NATD1: variants seen among roughly 807,000 people sequenced by gnomAD.
The protein encoded by NATD1 is N-acetyltransferase domain containing 1.
NATD1 carries 9 observed loss-of-function variants against 12.0 expected under a neutral mutation model. The ratio of observed to expected loss-of-function variants is 0.75; its 90% CI spans 0.45 to 1.30. NATD1 has a LOEUF of 1.30. Ranked by LOEUF, NATD1 falls within the 50% of genes most tolerant of loss-of-function variation. The pLI, the probability that NATD1 is intolerant of heterozygous loss-of-function variation, is 0.00. For missense variants in NATD1, 148 were observed against 148.5 expected (o/e 1.00, Z 0.02); for synonymous variants, 71 against 65.9 (o/e 1.08, Z -0.37).
chr17:21,243,139 G>A lies in NATD1; in HGVS notation c.*174C>T, dbSNP rs1482117769. 2 of 570,982 alleles carry A rather than the reference G, an allele frequency of 3.5e-6. No homozygotes were observed. The highest frequency in any genetic ancestry group is 6.2e-6 in the Non-Finnish European group (2 of 321,090). 35.4% of individuals were successfully genotyped at this position (570,982 alleles called of 1,614,324 possible). A position where few individuals can be genotyped will look rare whatever the true frequency, so the allele number is the denominator to read the frequency against. ...TTGCCGCCTCGGTTACCGGGTCACC[G>A]CCCATCATTGGTCAGCTGCCTCCAG... On this transcript the variant is annotated 3_prime_UTR_variant, in exon 3 of 3. Transcript: ENST00000611551.
chr17:21,247,447 C>T (rs747413959), intron 1 of NATD1, among the ~76,000 whole-genome samples: 10 of 152,138 alleles, frequency 6.6e-5, no homozygotes, highest in African/African-American at 1.9e-4. Context: ...AGGGCAGGCT[C>T]GTGCTCTGCT....
In NATD1 at chr17:21,253,149, G is replaced by A. The variant is rs1345841286; in HGVS notation, c.106+10C>T. The A allele has an allele frequency of 2.0e-6, 2 of 1,018,072 alleles. No individual in the cohort carries two copies. Among genetic ancestry groups the A allele is most frequent in the East Asian group, 8.5e-5 (1 of 11,810 alleles). 63.1% of individuals were successfully genotyped at this position (1,018,072 alleles called of 1,614,324 possible). On this transcript the variant is annotated intron_variant, in intron 1 of 2. Coordinates refer to ENST00000611551, the MANE Select transcript of NATD1 (RefSeq NM_152914.3). ...AGACAAAAGGTCGGGGCGGGCCGGG[G>A]CCGCCTTACCGTTGAGCCGGACAGT...
chr17:21,250,055 C>A (rs1053665465), intron 1 of NATD1, among the ~76,000 whole-genome samples: 1 of 152,200 alleles, frequency 6.6e-6, no homozygotes, highest in African/African-American at 2.4e-5. Context: ...TGTCCTGGTC[C>A]CCACAGTTTG....
rs1426016793 is a variant in NATD1, at chr17:21,239,433, C to T, written c.*3880G>A. 1 of 150,642 alleles carries T rather than the reference C, an allele frequency of 6.6e-6. No homozygotes were observed. Among genetic ancestry groups the T allele is most frequent in the East Asian group, 1.9e-4 (1 of 5,150 alleles). 9.3% of individuals were successfully genotyped at this position (150,642 alleles called of 1,614,324 possible). On this transcript the variant is annotated 3_prime_UTR_variant, in exon 3 of 3. Transcript: ENST00000611551. ...GTGACCCCCGACTCAGCCTCAGTAT[C>T]ATCTATCAAATAGGCCTAATAATGG...
At chr17:21,243,599 G>A (rs990599734) in intron 2 of NATD1, among the ~76,000 whole-genome samples, 170 bp from the exon 3 acceptor site, 1 of 152,090 alleles carries the variant, frequency 6.6e-6, no homozygotes, top group East Asian at 1.9e-4. Flanking sequence ...AGACTGGTCC[G>A]GTACACAAGG....
At chr17:21,245,256 T>TG (rs1975315428) in intron 1 of NATD1, among the ~76,000 whole-genome samples, 1 of 151,142 alleles carries the variant, frequency 6.6e-6, no homozygotes, top group South Asian at 2.1e-4. Flanking sequence ...AGGGCAGAGA[T>TG]GGGGGCAGGG....
At chr17:21,247,361 C>T (rs1030365998) in intron 1 of NATD1, among the ~76,000 whole-genome samples, 1 of 152,226 alleles carries the variant, frequency 6.6e-6, no homozygotes, top group Non-Finnish European at 1.5e-5. Flanking sequence ...ACAGCCAGGC[C>T]TGCACCTCAG....
chr17:21,250,294 T>A (rs1975363380), intron 1 of NATD1, among the ~76,000 whole-genome samples: 1 of 152,230 alleles, frequency 6.6e-6, no homozygotes, highest in African/African-American at 2.4e-5. Flanking sequence ...TCTTCCCTGT[T>A]GCAGCTCTGT....
intron 1 of NATD1, among the ~76,000 whole-genome samples, chr17:21,251,270 C>T (rs1567646511): frequency 6.6e-6 from 1 of 150,568 alleles, no homozygotes; most frequent in Non-Finnish European, 1.5e-5. Context: ...TTTGGCTGTA[C>T]CCACTTGGAA....
intron 1 of NATD1, among the ~76,000 whole-genome samples, chr17:21,250,525 A>G (rs180793135): frequency 1.1e-3 from 175 of 152,242 alleles, no homozygotes; most frequent in Admixed American, 2.6e-3. Flanking sequence ...CACCTAAAAG[A>G]GTGCTTGGTA....
chr17:21,245,191 C>T (rs998489254), intron 1 of NATD1, among the ~76,000 whole-genome samples: 7 of 151,946 alleles, frequency 4.6e-5, no homozygotes, highest in Non-Finnish European at 7.4e-5. Context: ...TGCAAAGGCT[C>T]TGAGGCAGGA....
At chr17:21,246,122 T>TGGGCTGCAGGGC (rs2144361973) in intron 1 of NATD1, among the ~76,000 whole-genome samples, 2 of 152,348 alleles carry the variant, frequency 1.3e-5, no homozygotes, top group South Asian at 4.1e-4. Context: ...CAGTAGGGTT[T>TGGGCTGCAGGGC]GGGCTGCAGG....
intron 2 of NATD1, 117 bp downstream of exon 2, chr17:21,243,989 A>C (rs1052836755): frequency 1.1e-6 from 1 of 879,386 alleles, no homozygotes; most frequent in African/African-American, 1.7e-5. Context: ...TGGCCCAGAG[A>C]GGACCCAGGG....
intron 1 of NATD1, among the ~76,000 whole-genome samples, chr17:21,245,768 G>A (rs894437903): frequency 2.6e-5 from 4 of 151,872 alleles, no homozygotes; most frequent in African/African-American, 9.7e-5. Context: ...CCCTTTCTCC[G>A]TTCCTGCCAG....
intron 1 of NATD1, among the ~76,000 whole-genome samples, chr17:21,248,036 T>C (rs781460169): frequency 4.6e-5 from 7 of 152,038 alleles, no homozygotes; most frequent in South Asian, 4.2e-4. Context: ...ACAGAGGGCA[T>C]CTGGGGTGGC....
At chr17:21,251,191 AG>A (rs958709855) in intron 1 of NATD1, among the ~76,000 whole-genome samples, 7 of 150,086 alleles carry the variant, frequency 4.7e-5, no homozygotes, top group Admixed American at 1.3e-4. Flanking sequence ...GAATTCCAGA[AG>A]GGGGTAAGTT....
rs1304453673 is a variant in NATD1, at chr17:21,250,883, A to C, written c.106+2276T>G. ...TGGGGCTACCTGACCCCTCAGCCTCAGTGTTTATATCTCTCAGTGGGCACA... is the reference window on the plus strand; with the variant it reads ...TGGGGCTACCTGACCCCTCAGCCTCCGTGTTTATATCTCTCAGTGGGCACA... On this transcript the variant is annotated intron_variant, in intron 1 of 2. Transcript: ENST00000611551. 2.0e-5 allele frequency among the ~76,000 whole-genome samples: 3 copies of C among 152,102 alleles called. No homozygotes were observed. In the East Asian group the frequency reaches 5.8e-4, roughly 29 times the overall value.
At chr17:21,248,539 A>C (rs973809297) in intron 1 of NATD1, among the ~76,000 whole-genome samples, 1 of 152,174 alleles carries the variant, frequency 6.6e-6, no homozygotes, top group African/African-American at 2.4e-5. Context: ...CCCAAAGGTC[A>C]CGTGCCCAGA....
chr17:21,252,865 G>A (rs1815204506), intron 1 of NATD1, among the ~76,000 whole-genome samples: 1 of 152,000 alleles, frequency 6.6e-6, no homozygotes, highest in African/African-American at 2.4e-5. Context: ...GCCTTTCCAG[G>A]GGCCCCTGTC....
Sources: gnomAD v4.1 joint callset for allele counts (sites outside exome capture counted in the v4.1 genomes callset) on GRCh38, gnomAD v4.1.1 for gene constraint, MANE v1.5 for transcripts, NCBI Gene and HGNC (gene_info 2026-07-23, HGNC 2026-07-21) for gene names.